Variants in SULF1 observed in about 807,000 individuals in gnomAD.
SULF1 encodes extracellular sulfatase Sulf-1.
A neutral mutation model predicts 110.5 loss-of-function variants in SULF1; 46 were observed. The ratio of observed to expected loss-of-function variants is 0.42; its 90% confidence interval spans 0.33 to 0.53. SULF1 has a LOEUF of 0.53. Among genes scored for constraint, SULF1 ranks in the 20% least tolerant of loss-of-function variants. The probability of loss-of-function intolerance (pLI) is 0.12; values close to 1 mark genes in which losing one functional copy is unlikely to be tolerated. For missense variants in SULF1, 941 were observed against 1,094.2 expected (o/e 0.86, Z 1.98); for synonymous variants, 371 against 387.1 (o/e 0.96, Z 0.49).
At position 69,658,863 on chromosome 8, in the gene SULF1, T is replaced by C; in HGVS notation, c.*328T>C. On this transcript the variant is annotated 3_prime_UTR_variant, in exon 23 of 23. Transcript: ENST00000402687. ...CTCATTTGACCTTGCCAGCTGACCT[T>C]CAAACCCTGCATTTGAACCGACCAA... 1 of 536,366 alleles carries C rather than the reference T, an allele frequency of 1.9e-6. No individual in the cohort carries two copies. 33.2% of individuals were successfully genotyped at this position (536,366 alleles called of 1,614,324 possible). A position where few individuals can be genotyped will look rare whatever the true frequency, so the allele number is the denominator to read the frequency against.
intron 13 of SULF1, among the ~76,000 whole-genome samples, chr8:69,616,152 G>A (rs1809107344): frequency 1.4e-5 from 2 of 144,364 alleles, no homozygotes; most frequent in Non-Finnish European, 3.0e-5. Flanking sequence ...ACATATATGT[G>A]TGTGTATATA....
rs1810244870 is a variant in SULF1, at chr8:69,628,164, C to T, written c.2043-7C>T. 10 of 1,611,500 alleles carry T rather than the reference C, an allele frequency of 6.2e-6. No homozygotes were observed. Among genetic ancestry groups the T allele is most frequent in the Non-Finnish European group, 8.5e-6 (10 of 1,177,608 alleles). On this transcript the variant is annotated splice_region_variant and splice_polypyrimidine_tract_variant and intron_variant, in intron 17 of 22. Coordinates refer to ENST00000402687, the MANE Select transcript of SULF1 (RefSeq NM_001128205.2). Reference sequence around the variant, plus strand: ...GAAGTCTCACTTTTTAATCTTCTCTCCTGCAGCTATTACAATAAAGAGAAA... The same window carrying T: ...GAAGTCTCACTTTTTAATCTTCTCTTCTGCAGCTATTACAATAAAGAGAAA...
chr8:69,557,658 T>A (rs983619935), intron 3 of SULF1, among the ~76,000 whole-genome samples: 2 of 152,122 alleles, frequency 1.3e-5, no homozygotes, highest in Non-Finnish European at 2.9e-5. Flanking sequence ...ATTGAAAAAA[T>A]TCAATATATA....
chr8:69,551,297 A>T (rs144625866), intron 3 of SULF1, among the ~76,000 whole-genome samples: 1 of 152,354 alleles, frequency 6.6e-6, no homozygotes, highest in African/African-American at 2.4e-5. Context: ...AACAAACTCC[A>T]GCATTGCTCT....
intron 15 of SULF1, among the ~76,000 whole-genome samples, chr8:69,624,535 T>A (rs994994839): frequency 6.6e-6 from 1 of 152,242 alleles, no homozygotes; most frequent in Non-Finnish European, 1.5e-5. Flanking sequence ...AGCAGTTACC[T>A]TCGCAGGCAT....
upstream of SULF1, among the ~76,000 whole-genome samples, chr8:69,488,991 T>C (rs1809808735): frequency 6.6e-6 from 1 of 152,130 alleles, no homozygotes; most frequent in African/African-American, 2.4e-5. Context: ...GGAGTGAGGC[T>C]GGCCCAGCTG....
Position 69,660,846 on chromosome 8 carries a change from T to C in SULF1, c.*2311T>C, listed in dbSNP as rs1813052659. On this transcript the variant is annotated 3_prime_UTR_variant, in exon 23 of 23. Coordinates refer to ENST00000402687, the MANE Select transcript of SULF1 (RefSeq NM_001128205.2). Reference sequence around the variant, plus strand: ...TGTATAATATTCCATGATACTTTTATAGAACAATTCTGGCTTCAGGAAAGT... The same window carrying C: ...TGTATAATATTCCATGATACTTTTACAGAACAATTCTGGCTTCAGGAAAGT... 6.5e-6 allele frequency: 1 copy of C among 152,678 alleles called. No individual in the cohort carries two copies. The highest frequency in any genetic ancestry group is 2.4e-5 in the African/African-American group (1 of 41,462). The allele number at this position is 152,678 out of a possible 1,614,324, so 9.5% of individuals were successfully genotyped here.
intron 3 of SULF1, among the ~76,000 whole-genome samples, chr8:69,550,549 G>A (rs1814625776): frequency 6.6e-6 from 1 of 152,070 alleles, no homozygotes; most frequent in Non-Finnish European, 1.5e-5. Flanking sequence ...GAATGAAGGA[G>A]GAGCTGGCGA....
At chr8:69,583,847 C>T (rs1295810066) in intron 6 of SULF1, among the ~76,000 whole-genome samples, 1 of 152,154 alleles carries the variant, frequency 6.6e-6, no homozygotes, top group Non-Finnish European at 1.5e-5. Context: ...ACCACAAAGA[C>T]AGTGTTGTGG....
chr8:69,508,520 AG>A (rs1396935230), intron 3 of SULF1, among the ~76,000 whole-genome samples: 1 of 152,236 alleles, frequency 6.6e-6, no homozygotes, highest in African/African-American at 2.4e-5. Context: ...TTTGTTTATT[AG>A]TAGCCTTTAA....
Position 69,493,448 on chromosome 8 carries a change from T to TACACAC in SULF1, c.-391+360_-391+365dup, listed in dbSNP as rs56867664. Among the ~76,000 whole-genome samples, 1,288 of 144,376 alleles carry TACACAC rather than the reference T, an allele frequency of 8.9e-3. 9 individuals carry two copies. Among genetic ancestry groups the TACACAC allele is most frequent in the Non-Finnish European group, 0.012 (768 of 65,504 alleles). 94.7% of individuals were successfully genotyped at this position (144,376 alleles called of 152,430 possible). A position where few individuals can be genotyped will look rare whatever the true frequency, so the allele number is the denominator to read the frequency against. On this transcript the variant is annotated intron_variant, in intron 1 of 22. Coordinates refer to ENST00000402687, the MANE Select transcript of SULF1 (RefSeq NM_001128205.2). The stretch of plus-strand genomic sequence containing the variant: ...CACCACACACACACACACACAACAC[T>TACACAC]ACACACACACACACACACACACACA...
chr8:69,612,681 C>A (rs1316934510), intron 13 of SULF1, among the ~76,000 whole-genome samples: 3 of 152,030 alleles, frequency 2.0e-5, no homozygotes, highest in Non-Finnish European at 4.4e-5. Flanking sequence ...TTTCTTTACC[C>A]TACATTTTGA....
intron 14 of SULF1, among the ~76,000 whole-genome samples, chr8:69,623,316 G>A (rs947913297): frequency 8.5e-5 from 13 of 152,174 alleles, no homozygotes; most frequent in Admixed American, 8.5e-4. Flanking sequence ...AGACTTCATA[G>A]TCTCAGAAGA....
At chr8:69,556,947 G>A (rs1291947379) in intron 3 of SULF1, among the ~76,000 whole-genome samples, 1 of 151,996 alleles carries the variant, frequency 6.6e-6, no homozygotes, top group African/African-American at 2.4e-5. Context: ...ACAGGCCCCA[G>A]CGTGTGCTGT....
At chr8:69,576,647 G>A (rs1805628228) in intron 6 of SULF1, among the ~76,000 whole-genome samples, 1 of 152,152 alleles carries the variant, frequency 6.6e-6, no homozygotes, top group African/African-American at 2.4e-5. Context: ...CTTCTTTCAA[G>A]AGGGGTAGTG....
Position 69,631,804 on chromosome 8 carries a change from C to T in SULF1, c.2284+2125C>T, listed in dbSNP as rs1012334718. 5.3e-5 allele frequency among the ~76,000 whole-genome samples: 8 copies of T among 152,226 alleles called. 1 individual carries two copies. The highest frequency in any genetic ancestry group is 1.7e-4 in the African/African-American group (7 of 41,474). On this transcript the variant is annotated intron_variant, in intron 19 of 22. Coordinates refer to ENST00000402687, the MANE Select transcript of SULF1 (RefSeq NM_001128205.2). ...CTACTCACCCTTCAGACCTCAATTGCGGTGTCACTGCTCGTGGACACCCTC... is the reference window on the plus strand; with the variant it reads ...CTACTCACCCTTCAGACCTCAATTGTGGTGTCACTGCTCGTGGACACCCTC...
rs1463259595 is a variant in SULF1 at position 69,659,572 on chromosome 8, T to C, written c.*1037T>C. 1 of 252,576 alleles carries C rather than the reference T, an allele frequency of 4.0e-6. No individual in the cohort carries two copies. Among genetic ancestry groups the C allele is most frequent in the East Asian group, 1.0e-4 (1 of 9,724 alleles). 15.6% of individuals were successfully genotyped at this position (252,576 alleles called of 1,614,324 possible). A position where few individuals can be genotyped will look rare whatever the true frequency, so the allele number is the denominator to read the frequency against. On this transcript the variant is annotated 3_prime_UTR_variant, in exon 23 of 23. Transcript: ENST00000402687. ...GGTTTTGATTTTTTGCTTGTTTGTT[T>C]GTTTTGTACTAAAACAGTATTATCT...
intron 19 of SULF1, among the ~76,000 whole-genome samples, chr8:69,634,802 TA>T (rs1210033207): frequency 6.6e-6 from 1 of 151,756 alleles, no homozygotes; most frequent in South Asian, 2.1e-4. Context: ...ACATAATGTG[TA>T]AAAAAAAATT....
At chr8:69,610,164 T>TA (rs1404813304) in intron 13 of SULF1, among the ~76,000 whole-genome samples, 3 of 152,298 alleles carry the variant, frequency 2.0e-5, no homozygotes, top group African/African-American at 7.2e-5. Flanking sequence ...TGGATCAATA[T>TA]AAAATCAAAC....
Sources: allele counts gnomAD v4.1 joint callset (sites outside exome capture counted in the v4.1 genomes callset), GRCh38; gene constraint gnomAD v4.1.1; transcripts MANE v1.5; gene names NCBI Gene and HGNC (gene_info 2026-07-23, HGNC 2026-07-21).